The following EVL variants were observed in gnomAD, a reference collection of about 807,000 sequenced individuals.
The protein encoded by EVL is ena/VASP-like protein.
In EVL, 21 loss-of-function variants were observed where a neutral mutation model predicts 59.6. The ratio of observed to expected loss-of-function variants is 0.35; its 90% CI spans 0.25 to 0.51. The LOEUF (loss-of-function observed/expected upper bound fraction) is 0.51, where lower values mean the gene tolerates loss of function less well. Ranked by LOEUF, EVL falls within the 20% of genes least tolerant of loss-of-function variation. EVL has a pLI of 0.97. For missense variants in EVL, 462 were observed against 546.6 expected (o/e 0.85, Z 1.54); for synonymous variants, 198 against 203.5 (o/e 0.97, Z 0.23).
chr14:99,973,651 C>CG (rs1326903176), intron 1 of EVL, among the ~76,000 whole-genome samples: 1 of 152,072 alleles, frequency 6.6e-6, no homozygotes, highest in East Asian at 1.9e-4. Context: ...TTAGTAGAGA[C>CG]GGGGTTTCAC....
intron 11 of EVL, chr14:100,140,588 T>C (rs1301165229): frequency 6.6e-6 from 1 of 151,292 alleles, no homozygotes; most frequent in Admixed American, 6.6e-5. Context: ...TGCACTCCAA[T>C]CTGGGGAACA....
intron 1 of EVL, among the ~76,000 whole-genome samples, chr14:100,032,875 T>C (rs2061335316): frequency 6.6e-6 from 1 of 152,238 alleles, no homozygotes; most frequent in Non-Finnish European, 1.5e-5. Flanking sequence ...TCTGTCACAG[T>C]TGAGCAGAGC....
chr14:100,135,931 G>A lies in EVL; in HGVS notation c.927G>A (p.Pro309=), dbSNP rs748879174. 94 of 1,613,686 alleles carry A rather than the reference G, an allele frequency of 5.8e-5. No individual in the cohort carries two copies. Among genetic ancestry groups the A allele is most frequent in the South Asian group, 8.8e-5 (8 of 91,078 alleles). Residue 309 remains proline, a synonymous_variant, in exon 9 of 14, where the codon CCG becomes CCA. Transcript: ENST00000392920. The part of the protein sequence containing the change: ...QMEDPSTSPS[P]GTRAASQPPN... ...AAGATCCTAGTACCTCCCCCTCTCC[G>A]GGGACCCGAGCAGCCAGCCAGCCAC... is the stretch of plus-strand genomic sequence containing the variant.
chr14:100,049,683 A>G (rs2061614079), intron 1 of EVL, among the ~76,000 whole-genome samples: 1 of 152,212 alleles, frequency 6.6e-6, no homozygotes. Context: ...TTGAAAGTAT[A>G]CAACTCAGTT....
chr14:100,136,525 T>G (rs935468066), intron 9 of EVL, among the ~76,000 whole-genome samples: 2 of 152,150 alleles, frequency 1.3e-5, no homozygotes, highest in African/African-American at 4.8e-5. Flanking sequence ...GGGTTGGTTG[T>G]TCATTCGACA....
intron 7 of EVL, 137 bp from the exon 8 acceptor site, chr14:100,132,582 C>T: frequency 1.0e-6 from 1 of 977,414 alleles, no homozygotes; most frequent in Non-Finnish European, 1.6e-6. Flanking sequence ...AGACAAGCCG[C>T]CTCCTTCACG....
chr14:100,083,419 G>A (rs545489337), intron 1 of EVL, among the ~76,000 whole-genome samples: 2 of 151,828 alleles, frequency 1.3e-5, no homozygotes, highest in East Asian at 3.9e-4. Flanking sequence ...AGGCTGGAGT[G>A]CGGTGGCACA....
rs956008965 is a variant in EVL, at chr14:100,114,962, G to T, written c.359-8577G>T. 3.3e-5 allele frequency among the ~76,000 whole-genome samples: 5 copies of T among 152,142 alleles called. No individual in the cohort carries two copies. The East Asian group carries it at 9.7e-4, about 29-fold the overall frequency. On this transcript the variant is annotated intron_variant, in intron 3 of 13. Coordinates refer to ENST00000392920, the MANE Select transcript of EVL (RefSeq NM_016337.3). The surrounding 1 kb of genome is among the most constrained non-coding windows in gnomAD (Gnocchi z 5.0). ...CCGTTCACTGGAGGCACATGACCTC[G>T]GGTAGCTTTTCCGAGCCTCAGTTTC...
intron 1 of EVL, among the ~76,000 whole-genome samples, chr14:100,066,045 A>G (rs1566993580): frequency 6.6e-6 from 1 of 152,190 alleles, no homozygotes; most frequent in East Asian, 1.9e-4. Context: ...CAGCCAGTCT[A>G]CAAACCGCAC....
intron 1 of EVL, among the ~76,000 whole-genome samples, chr14:99,999,555 C>T (rs1224760635): frequency 6.6e-6 from 1 of 152,182 alleles, no homozygotes; most frequent in Non-Finnish European, 1.5e-5. Context: ...CACAGCTATT[C>T]AGAAGGCTGA....
chr14:100,088,599 G>A (rs1397475876), intron 2 of EVL, among the ~76,000 whole-genome samples: 5 of 152,138 alleles, frequency 3.3e-5, no homozygotes, highest in Non-Finnish European at 7.3e-5. Flanking sequence ...ATAAATATAC[G>A]TGAGCATAGA....
intron 3 of EVL, among the ~76,000 whole-genome samples, chr14:100,104,270 A>C (rs1886420191): frequency 6.6e-6 from 1 of 152,196 alleles, no homozygotes; most frequent in African/African-American, 2.4e-5. Flanking sequence ...GTGGTGGTTT[A>C]AATCTTCTTC....
chr14:100,143,578 G>A, intron 13 of EVL, 123 bp from the exon 14 acceptor site: 2 of 1,194,956 alleles, frequency 1.7e-6, no homozygotes, highest in Non-Finnish European at 1.2e-6. Context: ...CCTGGGTGGG[G>A]CTCCCAGGAG....
At chr14:100,029,623 T>C (rs995932468) in intron 1 of EVL, among the ~76,000 whole-genome samples, 7 of 152,132 alleles carry the variant, frequency 4.6e-5, no homozygotes, top group Admixed American at 2.6e-4. Context: ...GACACAGTTT[T>C]GCTGTATAAA....
chr14:100,076,774 A>G (rs908341921), intron 1 of EVL, among the ~76,000 whole-genome samples: 7 of 152,128 alleles, frequency 4.6e-5, no homozygotes, highest in African/African-American at 1.7e-4. Context: ...CATTTCCACA[A>G]GACTAAGCCA....
chr14:100,117,361 C>T (rs1887416899), intron 3 of EVL, among the ~76,000 whole-genome samples: 1 of 152,016 alleles, frequency 6.6e-6, no homozygotes, highest in African/African-American at 2.4e-5. Flanking sequence ...AGAAGGGGCT[C>T]CGCCAGGGGG....
chr14:100,111,853 G>C (rs1207483911), intron 3 of EVL, among the ~76,000 whole-genome samples: 1 of 152,218 alleles, frequency 6.6e-6, no homozygotes, highest in Non-Finnish European at 1.5e-5. Context: ...TTAAGGCCCA[G>C]AGCCCAGATG....
intron 3 of EVL, among the ~76,000 whole-genome samples, chr14:100,118,233 A>G (rs546231261): frequency 2.0e-5 from 3 of 152,248 alleles, no homozygotes; most frequent in African/African-American, 7.2e-5. Context: ...GGAGGGGAGG[A>G]GTGTCACCTG....
intron 8 of EVL, 87 bp from the exon 9 acceptor site, chr14:100,135,818 A>G: frequency 8.4e-7 from 1 of 1,187,800 alleles, no homozygotes. Flanking sequence ...AACATTTGGA[A>G]AACTGAGGTT....
Sources: gnomAD v4.1 joint callset for allele counts (sites outside exome capture counted in the v4.1 genomes callset) on GRCh38, gnomAD v4.1.1 for gene constraint, Gnocchi (gnomAD v3.1) non-coding constraint, MANE v1.5 for transcripts, NCBI Gene and HGNC (gene_info 2026-07-23, HGNC 2026-07-21) for gene names.